LRRTM4: variants seen among roughly 807,000 people sequenced by gnomAD.
LRRTM4 encodes leucine rich repeat transmembrane neuronal 4, also known as leucine-rich repeat transmembrane neuronal protein 4.
In LRRTM4, 25 loss-of-function variants were observed where a neutral mutation model predicts 47.6. The observed-to-expected ratio is 0.53, with a 90% CI of 0.38 to 0.73. The LOEUF is 0.73. LRRTM4 is among the 30% of genes least tolerant of loss of function. The pLI, the probability that LRRTM4 is intolerant of heterozygous loss-of-function variation, is 0.00. For missense variants in LRRTM4, 638 were observed against 713.4 expected, an observed-to-expected ratio of 0.89 and a Z score of 1.20; for synonymous variants, 311 against 269.5, an observed-to-expected ratio of 1.15 and a Z score of -1.51.
intron 3 of LRRTM4, among the ~76,000 whole-genome samples, chr2:77,371,748 C>G (rs1381433514): frequency 6.6e-6 from 1 of 151,638 alleles, no homozygotes; most frequent in Non-Finnish European, 1.5e-5. Context: ...TCCCTCTTAA[C>G]TTCATCTCCT....
intron 3 of LRRTM4, among the ~76,000 whole-genome samples, chr2:77,136,682 T>A (rs1447567187): frequency 3.9e-5 from 6 of 152,142 alleles, no homozygotes; most frequent in Non-Finnish European, 7.4e-5. Context: ...TTCTCCGAGC[T>A]AAAGGAGAAA....
At chr2:77,043,715 G>T (rs1217282610) in intron 3 of LRRTM4, among the ~76,000 whole-genome samples, 2 of 151,620 alleles carry the variant, frequency 1.3e-5, no homozygotes, top group Non-Finnish European at 2.9e-5. Flanking sequence ...TGATGAATCG[G>T]GACTAGTCTA....
At chr2:77,385,764 T>C (rs1290673293) in intron 3 of LRRTM4, among the ~76,000 whole-genome samples, 2 of 121,824 alleles carry the variant, frequency 1.6e-5, no homozygotes, top group South Asian at 5.2e-4. Context: ...TTTTTTTTTT[T>C]TGAGATGGAG....
At chr2:77,259,471 G>C (rs1439377721) in intron 3 of LRRTM4, among the ~76,000 whole-genome samples, 1 of 151,942 alleles carries the variant, frequency 6.6e-6, no homozygotes. Flanking sequence ...TATGTTTCAA[G>C]GACTATGTAT....
intron 3 of LRRTM4, among the ~76,000 whole-genome samples, chr2:76,888,694 C>G (rs891402252): frequency 1.3e-5 from 2 of 151,264 alleles, no homozygotes; most frequent in African/African-American, 4.8e-5. Flanking sequence ...TAGTTTGGAC[C>G]ACTGCTTTCG....
chr2:77,238,305 G>T (rs956587862), intron 3 of LRRTM4, among the ~76,000 whole-genome samples: 3 of 151,812 alleles, frequency 2.0e-5, no homozygotes, highest in Non-Finnish European at 4.4e-5. Flanking sequence ...ATTTTTAAAA[G>T]GGACTATATC....
At chr2:77,161,081 G>C (rs141393992) in intron 3 of LRRTM4, among the ~76,000 whole-genome samples, 193 of 152,246 alleles carry the variant, frequency 1.3e-3, no homozygotes, top group African/African-American at 4.4e-3. Context: ...AGGCAGCTAT[G>C]ACAAGCAGGG....
At chr2:77,328,085 T>C (rs984941963) in intron 3 of LRRTM4, among the ~76,000 whole-genome samples, 14 of 152,202 alleles carry the variant, frequency 9.2e-5, no homozygotes, top group African/African-American at 1.4e-4. Flanking sequence ...ATTGCATTTC[T>C]TACTACATAC....
At chr2:77,049,157 T>TATATATATATATACAC (rs1351971551) in intron 3 of LRRTM4, among the ~76,000 whole-genome samples, 5 of 106,356 alleles carry the variant, frequency 4.7e-5, no homozygotes, top group South Asian at 3.0e-4. Context: ...TATATATATA[T>TATATATATATATACAC]ACACACACAC....
At chr2:76,884,529 C>A (rs1673016526) in intron 3 of LRRTM4, among the ~76,000 whole-genome samples, 1 of 151,818 alleles carries the variant, frequency 6.6e-6, no homozygotes, top group Non-Finnish European at 1.5e-5. Context: ...TAAACCCATG[C>A]AAAAAATTGT....
intron 3 of LRRTM4, among the ~76,000 whole-genome samples, chr2:76,918,623 G>C (rs1211778490): frequency 6.6e-6 from 1 of 152,134 alleles, no homozygotes; most frequent in African/African-American, 2.4e-5. Flanking sequence ...AGACGAACCC[G>C]GAAGCATCTG....
At chr2:76,801,750 A>G (rs1310436853) in intron 3 of LRRTM4, among the ~76,000 whole-genome samples, 1 of 152,162 alleles carries the variant, frequency 6.6e-6, no homozygotes, top group African/African-American at 2.4e-5. Flanking sequence ...TAAATTCAAT[A>G]GCACATTAAA....
intron 3 of LRRTM4, among the ~76,000 whole-genome samples, chr2:77,214,027 G>C (rs1674368825): frequency 6.6e-6 from 1 of 151,986 alleles, no homozygotes; most frequent in Non-Finnish European, 1.5e-5. Flanking sequence ...GGGACTCACA[G>C]TTCTCCTGTG....
chr2:77,475,629 A>T (rs1346173544), intron 3 of LRRTM4, among the ~76,000 whole-genome samples: 1 of 151,906 alleles, frequency 6.6e-6, no homozygotes, highest in Non-Finnish European at 1.5e-5. Flanking sequence ...ACATATTTTA[A>T]AGTGTTTTAT....
intron 3 of LRRTM4, among the ~76,000 whole-genome samples, chr2:77,499,171 T>C (rs190496330): frequency 1.5e-4 from 23 of 152,036 alleles, no homozygotes; most frequent in African/African-American, 5.5e-4. Flanking sequence ...ATGCGGATAC[T>C]GATATTGGTA....
At chr2:77,207,822 C>G (rs936442499) in intron 3 of LRRTM4, among the ~76,000 whole-genome samples, 1 of 144,756 alleles carries the variant, frequency 6.9e-6, no homozygotes, top group African/African-American at 2.5e-5. Flanking sequence ...ATACTCTGTT[C>G]CATACCAGAT....
chr2:77,442,771 T>C (rs889734902), intron 3 of LRRTM4, among the ~76,000 whole-genome samples: 25 of 152,168 alleles, frequency 1.6e-4, no homozygotes, highest in African/African-American at 6.0e-4. Context: ...TTCAAGGCTA[T>C]GTAGAGAAGA....
At chr2:77,230,814 C>T (rs1573112274) in intron 3 of LRRTM4, among the ~76,000 whole-genome samples, 1 of 151,956 alleles carries the variant, frequency 6.6e-6, no homozygotes, top group East Asian at 1.9e-4. Context: ...CTTTAATATA[C>T]ATTTTTAAAA....
At chr2:77,018,515 G>C (rs1418747368) in intron 3 of LRRTM4, among the ~76,000 whole-genome samples, 1 of 152,076 alleles carries the variant, frequency 6.6e-6, no homozygotes, top group Non-Finnish European at 1.5e-5. Flanking sequence ...TATTGACTCA[G>C]ACTTCTACAG....
Sources: gnomAD v4.1 joint callset for allele counts (sites outside exome capture counted in the v4.1 genomes callset) on GRCh38, gnomAD v4.1.1 for gene constraint, MANE v1.5 for transcripts, NCBI Gene and HGNC (gene_info 2026-07-23, HGNC 2026-07-21) for gene names.